Variants in MMP16 observed in about 807,000 individuals in gnomAD.
The protein encoded by MMP16 is matrix metalloproteinase-16.
In MMP16, 12 loss-of-function variants were observed where a neutral mutation model predicts 67.8. The observed-to-expected ratio is 0.18, with a 90% CI of 0.11 to 0.29. The LOEUF is 0.29. MMP16 is among the 10% of genes least tolerant of loss of function. The pLI is 1.00. For missense variants in MMP16, 475 were observed against 765.7 expected, an observed-to-expected ratio of 0.62 and a Z score of 4.48; for synonymous variants, 249 against 255.9, an observed-to-expected ratio of 0.97 and a Z score of 0.26.
At chr8:88,156,927 T>C (rs979916791) in intron 4 of MMP16, among the ~76,000 whole-genome samples, 1 of 152,132 alleles carries the variant, frequency 6.6e-6, no homozygotes, top group African/African-American at 2.4e-5. Flanking sequence ...ATTAAGCAAC[T>C]TACCAAGAGA....
At chr8:88,248,216 T>C (rs1239247177) in intron 1 of MMP16, among the ~76,000 whole-genome samples, 1 of 152,018 alleles carries the variant, frequency 6.6e-6, no homozygotes, top group Non-Finnish European at 1.5e-5. Context: ...AATTAATGGA[T>C]GCAAGCAGAA....
At chr8:88,152,426 G>C (rs1808425753) in intron 4 of MMP16, among the ~76,000 whole-genome samples, 1 of 88,236 alleles carries the variant, frequency 1.1e-5, no homozygotes, top group Non-Finnish European at 2.2e-5. Flanking sequence ...GAGAATTTTA[G>C]ACCAATATCC....
chr8:88,127,872 T>A (rs1389163617), intron 4 of MMP16, among the ~76,000 whole-genome samples: 6 of 151,882 alleles, frequency 4.0e-5, no homozygotes, highest in Admixed American at 3.3e-4. Flanking sequence ...GCTATATCTT[T>A]CAAGCACTTT....
At chr8:88,144,538 CTT>C (rs1402115237) in intron 4 of MMP16, among the ~76,000 whole-genome samples, 12 of 151,356 alleles carry the variant, frequency 7.9e-5, no homozygotes, top group Non-Finnish European at 1.6e-4. Flanking sequence ...AAATTAGAGA[CTT>C]TTATCTAATT....
At chr8:88,318,930 C>T (rs538874435) in intron 1 of MMP16, among the ~76,000 whole-genome samples, 1 of 152,212 alleles carries the variant, frequency 6.6e-6, no homozygotes, top group South Asian at 2.1e-4. Flanking sequence ...TCTATGCTCC[C>T]AGTCATCAGC....
chr8:88,307,095 C>T (rs1038246134), intron 1 of MMP16, among the ~76,000 whole-genome samples: 2 of 152,160 alleles, frequency 1.3e-5, no homozygotes, highest in Admixed American at 6.5e-5. Flanking sequence ...AATACAAAAT[C>T]AATGTGCAAA....
At chr8:88,112,587 T>C (rs1353770157) in intron 6 of MMP16, among the ~76,000 whole-genome samples, 2 of 151,620 alleles carry the variant, frequency 1.3e-5, no homozygotes, top group Non-Finnish European at 2.9e-5. Flanking sequence ...TGAATCTCAT[T>C]TCCTTGGATT....
At chr8:88,264,108 T>C (rs1178197565) in intron 1 of MMP16, among the ~76,000 whole-genome samples, 1 of 151,272 alleles carries the variant, frequency 6.6e-6, no homozygotes, top group Non-Finnish European at 1.5e-5. Context: ...TATACATATA[T>C]TACTTTAGGT....
chr8:88,325,900 C>T (rs903666579), intron 1 of MMP16, among the ~76,000 whole-genome samples: 6 of 152,104 alleles, frequency 3.9e-5, no homozygotes, highest in South Asian at 2.1e-4. Context: ...TCAGAATATG[C>T]CTTTACACAT....
chr8:88,112,141 T>C (rs1809347633), intron 6 of MMP16, among the ~76,000 whole-genome samples: 1 of 151,636 alleles, frequency 6.6e-6, no homozygotes, highest in Admixed American at 6.6e-5. Flanking sequence ...TACTAGCCTT[T>C]GCTTACTCCT....
intron 1 of MMP16, among the ~76,000 whole-genome samples, chr8:88,250,761 C>CT (rs1810197810): frequency 1.4e-5 from 2 of 145,872 alleles, no homozygotes; most frequent in African/African-American, 5.1e-5. Flanking sequence ...ATCCTCTAGT[C>CT]TTTTTCTTTT....
chr8:88,194,728 A>C (rs1809223754), intron 2 of MMP16, among the ~76,000 whole-genome samples: 1 of 152,070 alleles, frequency 6.6e-6, no homozygotes. Context: ...ACAAGGCTTT[A>C]GTTGTTTCAT....
Position 88,123,870 on chromosome 8 carries a change from C to T in MMP16, c.710-5009G>A, listed in dbSNP as rs28907620. ...CTCTTCCATGGAGCCTCCAGTATCT[C>T]AAAGTGCTCTCTCTTGCCTTCTCCC... is the stretch of plus-strand genomic sequence containing the variant. On this transcript the variant is annotated intron_variant, in intron 4 of 9. Transcript: ENST00000286614. Among the ~76,000 whole-genome samples the T allele has an allele frequency of 2.1e-3, 326 of 152,024 alleles. 1 individual carries two copies. The highest frequency in any genetic ancestry group is 7.5e-3 in the African/African-American group (312 of 41,502).
intron 6 of MMP16, among the ~76,000 whole-genome samples, chr8:88,102,898 C>A (rs180898790): frequency 1.3e-5 from 2 of 151,880 alleles, no homozygotes; most frequent in Non-Finnish European, 2.9e-5. Flanking sequence ...GTTCCACCCC[C>A]AGTAACTGTC....
At chr8:88,150,759 T>C (rs1808391219) in intron 4 of MMP16, among the ~76,000 whole-genome samples, 1 of 151,034 alleles carries the variant, frequency 6.6e-6, no homozygotes, top group Admixed American at 6.6e-5. Context: ...TGCAAAATCA[T>C]GCCAAAATGT....
At chr8:88,174,757 C>CTTT (rs61133999) in intron 3 of MMP16, among the ~76,000 whole-genome samples, 2 of 139,762 alleles carry the variant, frequency 1.4e-5, no homozygotes, top group Non-Finnish European at 3.1e-5. Flanking sequence ...ATTTTGACTG[C>CTTT]TTTTTTTTTT....
At chr8:88,127,682 A>G (rs1314445932) in intron 4 of MMP16, among the ~76,000 whole-genome samples, 1 of 151,830 alleles carries the variant, frequency 6.6e-6, no homozygotes, top group East Asian at 1.9e-4. Context: ...TGTCCATATA[A>G]ATTTCATATA....
chr8:88,223,989 C>T (rs1249078312), intron 1 of MMP16, among the ~76,000 whole-genome samples: 2 of 151,718 alleles, frequency 1.3e-5, no homozygotes, highest in East Asian at 3.9e-4. Context: ...CAAAGATGCA[C>T]AGATTATGGA....
At chr8:88,045,679 A>G (rs17646751) in intron 9 of MMP16, among the ~76,000 whole-genome samples, 39,290 of 151,960 alleles carry the variant, frequency 0.26, 5,295 homozygotes, top group Non-Finnish European at 0.29. Context: ...CTTGCAATAC[A>G]CTTAAGGTCA....
Sources: allele counts gnomAD v4.1 joint callset (sites outside exome capture counted in the v4.1 genomes callset), GRCh38; gene constraint gnomAD v4.1.1; transcripts MANE v1.5; gene names NCBI Gene and HGNC (gene_info 2026-07-23, HGNC 2026-07-21).